TCEAL4: variants seen among roughly 807,000 people sequenced by gnomAD.
TCEAL4 encodes transcription elongation factor A protein-like 4.
In TCEAL4, 1 loss-of-function variant was observed where a neutral mutation model predicts 1.3. The ratio of observed to expected loss-of-function variants is 0.79; its 90% CI spans 0.28 to 3.76. TCEAL4 has a LOEUF of 3.76. TCEAL4 is among the 30% of genes most tolerant of loss of function. TCEAL4 has a pLI of 0.18. For missense variants in TCEAL4, 129 were observed against 154.7 expected, an observed-to-expected ratio of 0.83 and a Z score of 0.88; for synonymous variants, 54 against 50.7, an observed-to-expected ratio of 1.06 and a Z score of -0.28.
chrX:103,586,963 A>C lies in TCEAL4; in HGVS notation c.288A>C (p.Ile96=). The C allele has an allele frequency of 8.3e-7, 1 of 1,210,506 alleles. No individual in the cohort carries two copies. Among genetic ancestry groups the C allele is most frequent in the South Asian group, 1.8e-5 (1 of 56,838 alleles). The change falls in exon 3 of 3, where the codon ATA becomes ATC. Residue 96 remains isoleucine (I), a synonymous_variant. Transcript: ENST00000472484. ...GGSEREGKPE[I]EGKPESEGEP... ...CAGAGAGAGAGGGAAAACCAGAGAT[A>C]GAGGGAAAGCCAGAGAGTGAAGGAG... is the stretch of plus-strand genomic sequence containing the variant.
chrX:103,583,546 G>A (rs2073517788), upstream of TCEAL4, among the ~76,000 whole-genome samples: 1 of 112,395 alleles, frequency 8.9e-6, no homozygotes, highest in Admixed American at 9.4e-5. Flanking sequence ...AAAGGAATGA[G>A]ATCATGTCTT....
upstream of TCEAL4, among the ~76,000 whole-genome samples, chrX:103,584,963 T>C (rs1378516761): frequency 8.8e-6 from 1 of 113,065 alleles, no homozygotes; most frequent in Non-Finnish European, 1.9e-5. Flanking sequence ...CTGCAGATGC[T>C]ATACTTTGGC....
At position 103,587,484 on chromosome X, in the gene TCEAL4, T is replaced by C. The variant is rs1183193649; in HGVS notation, c.*161T>C. The C allele has an allele frequency of 1.3e-5, 8 of 634,858 alleles. No homozygotes were observed. The highest frequency in any genetic ancestry group is 1.8e-5 in the Non-Finnish European group (8 of 453,142). The allele number at this position is 634,858 out of a possible 1,213,427, so 52.3% of individuals were successfully genotyped here. On this transcript the variant is annotated 3_prime_UTR_variant, in exon 3 of 3. Transcript: ENST00000472484. ...ACATGGAAAAAATGTTGATGGTGCA[T>C]TGTAAAATTAAAAAACACAACTTGC...
intron 1 of TCEAL4, 125 bp from the exon 2 acceptor site, chrX:103,586,094 G>A: frequency 9.1e-7 from 1 of 1,099,560 alleles, no homozygotes; most frequent in Non-Finnish European, 1.2e-6. Flanking sequence ...AATGGCGGCT[G>A]GGGTGCGGCG....
Position 103,586,561 on chromosome X carries a change from A to G in TCEAL4, c.-27-88A>G, listed in dbSNP as rs1443658360. The G allele has an allele frequency of 3.8e-6, 4 of 1,059,074 alleles. No individual in the cohort carries two copies. The East Asian group carries it at 9.1e-5, about 24-fold the overall frequency. 87.3% of individuals were successfully genotyped at this position (1,059,074 alleles called of 1,213,427 possible). A position where few individuals can be genotyped will look rare whatever the true frequency, so the allele number is the denominator to read the frequency against. ...GAACCCTCATCAGGGGTGAGATGCA[A>G]GTACTATCCAGACCTGCATTCCACC... is the stretch of plus-strand genomic sequence containing the variant. On this transcript the variant is annotated intron_variant, in intron 2 of 2. Coordinates refer to ENST00000472484, the MANE Select transcript of TCEAL4 (RefSeq NM_001006935.3).
At chrX:103,578,196 T>A (rs951748065) in intron 2 of TCEAL4, among the ~76,000 whole-genome samples, 14 of 112,435 alleles carry the variant, frequency 1.2e-4, no homozygotes, top group Admixed American at 3.8e-4. Flanking sequence ...TTTTGCCAAA[T>A]AATATTCCAT....
At chrX:103,580,298 G>A (rs1412485326) in intron 2 of TCEAL4, among the ~76,000 whole-genome samples, 1 of 111,882 alleles carries the variant, frequency 8.9e-6, no homozygotes, top group African/African-American at 3.2e-5. Flanking sequence ...CAGATTAAAC[G>A]GGTATACTAA....
chrX:103,576,919 T>C (rs2073486335), intron 1 of TCEAL4, among the ~76,000 whole-genome samples: 1 of 112,147 alleles, frequency 8.9e-6, no homozygotes, highest in African/African-American at 3.2e-5. Flanking sequence ...AGAGCAAATA[T>C]ATGGCCTTTT....
At chrX:103,578,880 T>G (rs113973582) in intron 2 of TCEAL4, among the ~76,000 whole-genome samples, 3 of 112,043 alleles carry the variant, frequency 2.7e-5, no homozygotes, top group African/African-American at 9.7e-5. Context: ...TTTCTTGAGC[T>G]TTTGTTGTCA....
Position 103,587,097 on chromosome X carries a change from A to T in TCEAL4, c.422A>T (p.Tyr141Phe). The T allele has an allele frequency of 8.3e-7, 1 of 1,211,791 alleles. No homozygotes were observed. Among genetic ancestry groups the T allele is most frequent in the Non-Finnish European group, 1.1e-6 (1 of 895,528 alleles). Residue 141 changes from tyrosine (Y) to phenylalanine (F), a missense_variant, in exon 3 of 3, where the codon TAT becomes TTT. By Grantham distance (22) the Tyr-to-Phe change is conservative (BLOSUM62 3). Transcript: ENST00000472484. ...GGGCTGGCTCATTACCTCAAGGAGT[A>T]TAAAGAGGCCATACATGATATGAAT... ...NKGLAHYLKE[Y>F]KEAIHDMNFS... is the part of the protein sequence containing the mutation.
chrX:103,578,230 A>G (rs2073492832), intron 2 of TCEAL4, among the ~76,000 whole-genome samples: 1 of 112,148 alleles, frequency 8.9e-6, no homozygotes, highest in Non-Finnish European at 1.9e-5. Context: ...CATATTTTAT[A>G]TATCTATTCA....
At chrX:103,585,798 T>G in intron 1 of TCEAL4, 174 bp downstream of exon 1, 1 of 1,106,109 alleles carries the variant, frequency 9.0e-7, no homozygotes, top group Non-Finnish European at 1.2e-6. Context: ...GGGGAGCACG[T>G]AGGCAGTGGG....
At chrX:103,585,741 G>A (rs1219175963) in intron 1 of TCEAL4, 117 bp downstream of exon 1, 22 of 1,154,184 alleles carry the variant, frequency 1.9e-5, no homozygotes, top group Non-Finnish European at 2.4e-5. Context: ...AAGCTGGCCC[G>A]AGTGTGGACA....
rs752626147 is a variant in TCEAL4, at chrX:103,587,158, T to C, written c.483T>C (p.Asn161=). The part of the protein sequence containing the change: ...SNEDMIREFD[N]MAKVQDEKRK... ...AGGACATGATAAGAGAATTTGACAA[T>C]ATGGCTAAGGTGCAGGATGAGAAGA... The change falls in exon 3 of 3, where the codon AAT becomes AAC. Residue 161 remains asparagine (N), a synonymous_variant. Transcript: ENST00000472484. 13 of 1,209,054 alleles carry C rather than the reference T, an allele frequency of 1.1e-5. No individual in the cohort carries two copies. Among genetic ancestry groups the C allele is most frequent in the Admixed American group, 6.6e-5 (3 of 45,588 alleles).
Position 103,585,584 on chromosome X carries a change from C to T in TCEAL4, c.-141C>T, listed in dbSNP as rs761980669. On this transcript the variant is annotated 5_prime_UTR_variant, in exon 1 of 3. Transcript: ENST00000472484. Reference sequence around the variant, plus strand: ...TCCCCGCGGCTGGGTCTCGTCTGCTCCGGTTCCTGGGCTCCTAATTCTTGG... The same window carrying T: ...TCCCCGCGGCTGGGTCTCGTCTGCTTCGGTTCCTGGGCTCCTAATTCTTGG... The T allele has an allele frequency of 8.3e-4, 964 of 1,162,791 alleles. No individual in the cohort carries two copies. Among genetic ancestry groups the T allele is most frequent in the Non-Finnish European group, 1.1e-3 (928 of 871,936 alleles).
At chrX:103,583,221 T>C (rs2073516105), upstream of TCEAL4, among the ~76,000 whole-genome samples, 1 of 112,082 alleles carries the variant, frequency 8.9e-6, no homozygotes, top group Non-Finnish European at 1.9e-5. Context: ...AAACAACAGA[T>C]GCTGGTGAGG....
chrX:103,577,267 A>T, intron 2 of TCEAL4: 1 of 1,117,717 alleles, frequency 8.9e-7, no homozygotes, highest in African/African-American at 1.8e-5. Context: ...AATGTTGTTA[A>T]TAGTAAAAGT....
At chrX:103,586,605 ATGTCTCCTCTT>A (rs1569391796) in intron 2 of TCEAL4, 33 bp from the exon 3 acceptor site, 8 of 1,171,212 alleles carry the variant, frequency 6.8e-6, no homozygotes, top group African/African-American at 3.6e-5. Flanking sequence ...TCAGTCTCCC[ATGTCTCCTCTT>A]TGTCTCCTCT....
At chrX:103,584,079 C>T (rs908035825), upstream of TCEAL4, among the ~76,000 whole-genome samples, 1 of 110,057 alleles carries the variant, frequency 9.1e-6, no homozygotes, top group Non-Finnish European at 1.9e-5. Context: ...AGGCGCCCAC[C>T]ACCACGCCCA....
Sources: gnomAD v4.1 joint callset for allele counts (sites outside exome capture counted in the v4.1 genomes callset) on GRCh38, gnomAD v4.1.1 for gene constraint, MANE v1.5 for transcripts, NCBI Gene and HGNC (gene_info 2026-07-23, HGNC 2026-07-21) for gene names.